The following ACER3 variants were observed in gnomAD, a reference collection of about 807,000 sequenced individuals.
ACER3 encodes the protein alkCDase 3.
ACER3 carries 16 observed loss-of-function variants against 48.9 expected under a neutral mutation model. The ratio of observed to expected loss-of-function variants is 0.33; its 90% CI spans 0.22 to 0.50. The LOEUF is 0.50. Ranked by LOEUF, ACER3 falls within the 20% of genes least tolerant of loss-of-function variation. The pLI is 0.98. For synonymous variants in ACER3, 109 were observed against 107.8 expected, an observed-to-expected ratio of 1.01 and a Z score of -0.07; for missense variants, 227 against 326.0, an observed-to-expected ratio of 0.70 and a Z score of 2.34.
chr11:76,867,063 C>A (rs891295398), intron 1 of ACER3, among the ~76,000 whole-genome samples: 3 of 152,128 alleles, frequency 2.0e-5, no homozygotes, highest in Non-Finnish European at 2.9e-5. Flanking sequence ...AAAAGAATTA[C>A]CCGGTTAAAA....
chr11:77,002,424 T>C (rs1555020034), intron 7 of ACER3, among the ~76,000 whole-genome samples: 1 of 152,238 alleles, frequency 6.6e-6, no homozygotes, highest in Non-Finnish European at 1.5e-5. Flanking sequence ...TATGGGAATA[T>C]TGATCCAGCC....
intron 1 of ACER3, among the ~76,000 whole-genome samples, chr11:76,863,738 A>G (rs915892615): frequency 6.6e-6 from 1 of 152,214 alleles, no homozygotes; most frequent in African/African-American, 2.4e-5. Context: ...AGCACTTCAT[A>G]TATCTTATCT....
At chr11:76,972,933 G>T (rs975468176) in intron 3 of ACER3, among the ~76,000 whole-genome samples, 2 of 152,256 alleles carry the variant, frequency 1.3e-5, no homozygotes, top group South Asian at 2.1e-4. Context: ...AGTGGTGTGT[G>T]TGGGACCCCC....
chr11:76,971,257 A>G (rs1329017152), intron 3 of ACER3, among the ~76,000 whole-genome samples: 1 of 152,156 alleles, frequency 6.6e-6, no homozygotes, highest in Non-Finnish European at 1.5e-5. Context: ...AAACACACTA[A>G]TAGGCCGAGC....
rs977865408 is a variant in ACER3, at chr11:77,026,739, G to A, written c.*6412G>A. ...CTGCTATAATGGAGACTATATTTCT[G>A]CATTCATTACCTCTCATAGGTGAAA... On this transcript the variant is annotated 3_prime_UTR_variant, in exon 11 of 11. Transcript: ENST00000532485. 8.6e-5 allele frequency: 13 copies of A among 152,032 alleles called. No homozygotes were observed. Among genetic ancestry groups the A allele is most frequent in the Non-Finnish European group, 1.5e-4 (10 of 68,030 alleles). The allele number at this position is 152,032 out of a possible 1,614,324, so 9.4% of individuals were successfully genotyped here. A position where few individuals can be genotyped will look rare whatever the true frequency, so the allele number is the denominator to read the frequency against.
At chr11:76,901,887 T>G (rs1946091687) in intron 1 of ACER3, among the ~76,000 whole-genome samples, 2 of 152,138 alleles carry the variant, frequency 1.3e-5, no homozygotes. Context: ...GTGGATTTCA[T>G]TTCTGCCTTT....
intron 2 of ACER3, among the ~76,000 whole-genome samples, chr11:76,938,694 G>T (rs562791234): frequency 9.9e-5 from 15 of 152,108 alleles, no homozygotes; most frequent in Non-Finnish European, 1.8e-4. Context: ...TTGGATGAGC[G>T]AAGGCAAGGA....
chr11:76,958,929 C>T (rs781342423), intron 2 of ACER3, 50 bp from the exon 3 acceptor site: 1 of 1,580,634 alleles, frequency 6.3e-7, no homozygotes, highest in Non-Finnish European at 8.7e-7. Flanking sequence ...AGGTCACTGT[C>T]CACGCACAAA....
At chr11:76,904,917 A>G (rs995105103) in intron 1 of ACER3, among the ~76,000 whole-genome samples, 2 of 151,876 alleles carry the variant, frequency 1.3e-5, no homozygotes, top group Non-Finnish European at 2.9e-5. Context: ...CAGTGGCACA[A>G]TCTCGGCTCA....
At chr11:76,924,727 A>G (rs565105362) in intron 1 of ACER3, among the ~76,000 whole-genome samples, 1 of 152,284 alleles carries the variant, frequency 6.6e-6, no homozygotes, top group East Asian at 1.9e-4. Context: ...TGTAACATCC[A>G]TAATATCAAT....
chr11:76,993,815 C>T (rs1948855130), intron 6 of ACER3, among the ~76,000 whole-genome samples: 1 of 152,174 alleles, frequency 6.6e-6, no homozygotes, highest in African/African-American at 2.4e-5. Flanking sequence ...TGTTTGCGCT[C>T]CTATGAGAAT....
intron 1 of ACER3, among the ~76,000 whole-genome samples, chr11:76,882,643 G>A (rs1278122413): frequency 1.3e-5 from 2 of 151,988 alleles, no homozygotes; most frequent in Non-Finnish European, 2.9e-5. Context: ...TTCTTTTCTC[G>A]TTAGAATAAG....
chr11:77,015,157 G>C, intron 8 of ACER3, 40 bp downstream of exon 8: 1 of 1,157,184 alleles, frequency 8.6e-7, no homozygotes, highest in Non-Finnish European at 1.3e-6. Flanking sequence ...ATTTTTGGAA[G>C]CATTTTATTA....
intron 7 of ACER3, among the ~76,000 whole-genome samples, chr11:76,999,066 G>A (rs1023874081): frequency 8.5e-5 from 13 of 152,152 alleles, no homozygotes; most frequent in East Asian, 1.9e-4. Context: ...GAGAGCTGTC[G>A]ACGATGGCCT....
chr11:76,905,919 C>T (rs1946218433), intron 1 of ACER3, among the ~76,000 whole-genome samples: 1 of 152,166 alleles, frequency 6.6e-6, no homozygotes, highest in South Asian at 2.1e-4. Flanking sequence ...GTGATACACA[C>T]CAAATTAACC....
At chr11:76,887,540 GAA>G (rs1475326062) in intron 1 of ACER3, among the ~76,000 whole-genome samples, 1 of 151,962 alleles carries the variant, frequency 6.6e-6, no homozygotes, top group East Asian at 1.9e-4. Flanking sequence ...AAAACATTAA[GAA>G]AAGACATTGT....
At chr11:76,990,617 C>A in intron 6 of ACER3, 43 bp downstream of exon 6, 3 of 1,188,046 alleles carry the variant, frequency 2.5e-6, no homozygotes, top group Non-Finnish European at 3.7e-6. Context: ...GTTTACGATA[C>A]ATGGCTGCTT....
At chr11:76,889,748 CTCTT>C (rs986007996) in intron 1 of ACER3, among the ~76,000 whole-genome samples, 1 of 152,136 alleles carries the variant, frequency 6.6e-6, no homozygotes, top group South Asian at 2.1e-4. Context: ...CCTCCCATCT[CTCTT>C]TATTTTGTTA....
intron 1 of ACER3, among the ~76,000 whole-genome samples, chr11:76,863,227 CA>C (rs555355956): frequency 6.6e-6 from 1 of 151,612 alleles, no homozygotes; most frequent in Non-Finnish European, 1.5e-5. Flanking sequence ...CCTATTTCTA[CA>C]AAAAAAATAT....
Sources: allele counts gnomAD v4.1 joint callset (sites outside exome capture counted in the v4.1 genomes callset), GRCh38; gene constraint gnomAD v4.1.1; transcripts MANE v1.5; gene names NCBI Gene and HGNC (gene_info 2026-07-23, HGNC 2026-07-21).